The following SMYD5 variants were observed in gnomAD, a reference collection of about 807,000 sequenced individuals.
SMYD5 encodes SMYD family member 5, also known as protein-lysine N-trimethyltransferase SMYD5.
A neutral mutation model predicts 57.4 loss-of-function variants in SMYD5; 35 were observed. The observed-to-expected ratio is 0.61, with a 90% CI of 0.47 to 0.81. SMYD5 has a LOEUF of 0.81. Among genes scored for constraint, SMYD5 ranks in the 30% least tolerant of loss-of-function variants. The pLI is 0.00. For synonymous variants in SMYD5, 198 were observed against 189.7 expected, an observed-to-expected ratio of 1.04 and a Z score of -0.36; for missense variants, 471 against 527.9, an observed-to-expected ratio of 0.89 and a Z score of 1.06.
At chr2:73,214,647 GC>G in intron 1 of SMYD5, 1 of 1,489,222 alleles carries the variant, frequency 6.7e-7, no homozygotes, top group South Asian at 1.2e-5. Flanking sequence ...GGGCTAGGGG[GC>G]TTTGCTGCTG....
At chr2:73,220,243 G>C in intron 3 of SMYD5, 53 bp downstream of exon 3, 1 of 1,599,194 alleles carries the variant, frequency 6.3e-7, no homozygotes, top group Non-Finnish European at 8.6e-7. Context: ...GGAGGCCTTA[G>C]CTGGAGTCCT....
At chr2:73,223,146 T>G (rs1482697678) in intron 8 of SMYD5, 40 bp downstream of exon 8, 2 of 1,556,388 alleles carry the variant, frequency 1.3e-6, no homozygotes, top group Non-Finnish European at 1.8e-6. Context: ...CTCTCAGGGG[T>G]GGGAAACTGA....
chr2:73,220,178 T>C lies in SMYD5; in HGVS notation c.333T>C (p.Cys111=), dbSNP rs1686357183. The C allele has an allele frequency of 1.9e-6, 3 of 1,614,024 alleles. No homozygotes were observed. Reference sequence around the variant, plus strand: ...TGCGCAAAGACCTCCACCAGAACTGTCCCCATTGCCAAGTGAGTATTCTTG... The same window carrying C: ...TGCGCAAAGACCTCCACCAGAACTGCCCCCATTGCCAAGTGAGTATTCTTG... ...CTVRKDLHQN[C]PHCQVMYCSA... The change falls in exon 3 of 13, where the codon TGT becomes TGC. Residue 111 remains cysteine, a synonymous_variant. Coordinates refer to ENST00000389501, the MANE Select transcript of SMYD5 (RefSeq NM_006062.3).
In SMYD5 at chr2:73,226,939, C is replaced by CCTACCCCCA. The variant is rs1356970231; in HGVS notation, c.*994_*1002dup. On this transcript the variant is annotated 3_prime_UTR_variant, in exon 13 of 13. Coordinates refer to ENST00000389501, the MANE Select transcript of SMYD5 (RefSeq NM_006062.3). ...CGAGAGTAGCCCTGTCTTGTCCCCT[C>CCTACCCCCA]CTACCCCCAGATTAGCACCACCCCT... 1.3e-5 allele frequency: 2 copies of CCTACCCCCA among 152,694 alleles called. No individual in the cohort carries two copies. The highest frequency in any genetic ancestry group is 3.8e-4 in the East Asian group (2 of 5,196). 9.5% of individuals were successfully genotyped at this position (152,694 alleles called of 1,614,324 possible).
At chr2:73,219,538 T>G (rs1280611225) in intron 2 of SMYD5, among the ~76,000 whole-genome samples, 1 of 152,166 alleles carries the variant, frequency 6.6e-6, no homozygotes, top group African/African-American at 2.4e-5. Context: ...CACACAACCA[T>G]GTCCAGCTAA....
chr2:73,214,926 C>A, intron 1 of SMYD5: 2 of 705,470 alleles, frequency 2.8e-6, no homozygotes, highest in Non-Finnish European at 1.7e-6. Flanking sequence ...ATACAAAATG[C>A]ATGTAAGGAA....
intron 1 of SMYD5, 143 bp downstream of exon 1, chr2:73,214,505 C>T (rs1686255068): frequency 3.4e-6 from 5 of 1,489,096 alleles, no homozygotes; most frequent in South Asian, 1.3e-5. Context: ...CCGGGGGCTC[C>T]CAGTCTGTCC....
At position 73,226,269 on chromosome 2, in the gene SMYD5, G is replaced by GC. The variant is rs1367832100; in HGVS notation, c.*327dup. Reference sequence around the variant, plus strand: ...GGCCTAACAGTGTTTCTTCCCCTCGGCCCCACGGCCCATACTCACCCCTTC... The same window carrying GC: ...GGCCTAACAGTGTTTCTTCCCCTCGGCCCCCACGGCCCATACTCACCCCTTC... On this transcript the variant is annotated 3_prime_UTR_variant, in exon 13 of 13. Coordinates refer to ENST00000389501, the MANE Select transcript of SMYD5 (RefSeq NM_006062.3). 1.8e-5 allele frequency: 6 copies of GC among 337,118 alleles called. No individual in the cohort carries two copies. In the East Asian group the frequency reaches 3.1e-4, roughly 17 times the overall value. The allele number at this position is 337,118 out of a possible 1,614,324, so 20.9% of individuals were successfully genotyped here. A position where few individuals can be genotyped will look rare whatever the true frequency, so the allele number is the denominator to read the frequency against.
At chr2:73,216,116 A>T (rs938726440) in intron 1 of SMYD5, among the ~76,000 whole-genome samples, 9 of 152,330 alleles carry the variant, frequency 5.9e-5, no homozygotes, top group Non-Finnish European at 1.3e-4. Flanking sequence ...AAATTTATCA[A>T]CTATTATGCC....
intron 9 of SMYD5, 71 bp from the exon 10 acceptor site, chr2:73,223,876 G>T: frequency 1.4e-6 from 2 of 1,418,900 alleles, no homozygotes; most frequent in South Asian, 1.1e-5. Flanking sequence ...GTGCCTGTCC[G>T]TGTAAGCCTC....
chr2:73,214,416 C>T (rs887683042), intron 1 of SMYD5, 54 bp downstream of exon 1: 13 of 1,610,212 alleles, frequency 8.1e-6, no homozygotes, highest in Admixed American at 1.7e-5. Context: ...GCCATGGAGA[C>T]AGCCCGGCCG....
intron 1 of SMYD5, 126 bp downstream of exon 1, chr2:73,214,488 T>C: frequency 6.6e-7 from 1 of 1,510,550 alleles, no homozygotes; most frequent in Middle Eastern, 2.4e-4. Context: ...CTGCCCCTGC[T>C]CGCGGCCCGG....
Position 73,223,045 on chromosome 2 carries a change from C to T in SMYD5, c.715C>T (p.Pro239Ser), listed in dbSNP as rs1285148980. 2 of 1,613,916 alleles carry T rather than the reference C, an allele frequency of 1.2e-6. No homozygotes were observed. Among genetic ancestry groups the T allele is most frequent in the Non-Finnish European group, 8.5e-7 (1 of 1,179,856 alleles). The change falls in exon 8 of 13, where the codon CCA (proline) becomes TCA (serine). Residue 239 changes from proline to serine, a missense_variant. Physicochemically the swap from Pro to Ser is moderately conservative, Grantham distance 74. Coordinates refer to ENST00000389501, the MANE Select transcript of SMYD5 (RefSeq NM_006062.3). ...YEEAVSQWFTPDGFRSLFALV... is the reference protein window; with the variant it reads ...YEEAVSQWFTSDGFRSLFALV... The stretch of plus-strand genomic sequence containing the variant: ...TTTTTTCCCCCCACAGTGGTTCACT[C>T]CAGATGGATTCCGGTCTCTCTTTGC...
chr2:73,215,900 C>G (rs147630908), intron 1 of SMYD5, among the ~76,000 whole-genome samples: 159 of 152,062 alleles, frequency 1.0e-3, no homozygotes, highest in Non-Finnish European at 1.8e-3. Flanking sequence ...TTATTTTCCT[C>G]AAGTTGCCAC....
At chr2:73,219,893 AT>A in intron 2 of SMYD5, 157 bp from the exon 3 acceptor site, 1 of 878,560 alleles carries the variant, frequency 1.1e-6, no homozygotes, top group East Asian at 2.4e-5. Context: ...TCATTCATCC[AT>A]TCATCCATGC....
rs1686523181 is a variant in SMYD5, at chr2:73,227,055, G to C, written c.*1109G>C. 1 of 152,834 alleles carries C rather than the reference G, an allele frequency of 6.5e-6. No individual in the cohort carries two copies. The highest frequency in any genetic ancestry group is 2.4e-5 in the African/African-American group (1 of 41,466). 9.5% of individuals were successfully genotyped at this position (152,834 alleles called of 1,614,324 possible). A position where few individuals can be genotyped will look rare whatever the true frequency, so the allele number is the denominator to read the frequency against. On this transcript the variant is annotated 3_prime_UTR_variant, in exon 13 of 13. Transcript: ENST00000389501. ...GGAGCCTGCTGCATTCTCCTGCTGA[G>C]GGATCCCAGAGAGGGCAGGTGCCCA...
intron 10 of SMYD5, among the ~76,000 whole-genome samples, chr2:73,224,390 G>A (rs1167736603): frequency 1.3e-5 from 2 of 152,132 alleles, no homozygotes; most frequent in African/African-American, 2.4e-5. Flanking sequence ...ATGAGAAGGG[G>A]CAGATTCAGC....
intron 3 of SMYD5, 84 bp from the exon 4 acceptor site, chr2:73,220,575 CAG>C: frequency 1.3e-6 from 2 of 1,505,184 alleles, no homozygotes; most frequent in Non-Finnish European, 9.2e-7. Context: ...AGCTACAGCT[CAG>C]GGGCTATTTG....
In SMYD5 at chr2:73,214,377, G is replaced by A. The variant is rs1686251203; in HGVS notation, c.96+15G>A. On this transcript the variant is annotated intron_variant, in intron 1 of 12. Transcript: ENST00000389501. ...GCAGCGCCAAGGTGAGGTCGGGGCGGGTCCTGCCGGGAGCCTCTCCCCAGT... is the reference window on the plus strand; with the variant it reads ...GCAGCGCCAAGGTGAGGTCGGGGCGAGTCCTGCCGGGAGCCTCTCCCCAGT... 6.2e-7 allele frequency: 1 copy of A among 1,612,936 alleles called. No individual in the cohort carries two copies. The highest frequency in any genetic ancestry group is 8.5e-7 in the Non-Finnish European group (1 of 1,179,508).
Sources: allele counts gnomAD v4.1 joint callset (sites outside exome capture counted in the v4.1 genomes callset), GRCh38; gene constraint gnomAD v4.1.1; transcripts MANE v1.5; gene names NCBI Gene and HGNC (gene_info 2026-07-23, HGNC 2026-07-21).